PTBP1: variants seen among roughly 807,000 people sequenced by gnomAD.
The protein encoded by PTBP1 is polypyrimidine tract-binding protein 1.
PTBP1 carries 8 observed loss-of-function variants against 59.8 expected under a neutral mutation model. The ratio of observed to expected loss-of-function variants is 0.13; its 90% CI spans 0.08 to 0.24. PTBP1 has a LOEUF of 0.24. Ranked by LOEUF, PTBP1 falls within the 10% of genes least tolerant of loss-of-function variation. The pLI is 1.00. For synonymous variants in PTBP1, 490 were observed against 320.7 expected, an observed-to-expected ratio of 1.53 and a Z score of -5.64; for missense variants, 686 against 767.0, an observed-to-expected ratio of 0.89 and a Z score of 1.25.
chr19:798,807 G>T (rs2034197453), intron 1 of PTBP1, among the ~76,000 whole-genome samples: 1 of 152,282 alleles, frequency 6.6e-6, no homozygotes, highest in Non-Finnish European at 1.5e-5. Flanking sequence ...TTCCCCCCGG[G>T]GTGTCCCGAG....
Position 812,146 on chromosome 19 carries a change from A to AC in PTBP1, c.*1324dup, listed in dbSNP as rs2145051580. On this transcript the variant is annotated 3_prime_UTR_variant, in exon 15 of 15. Transcript: ENST00000356948. ...TATTGTGACCGCGGAGCCACAGGGG[A>AC]CCCCACGCACATTCCGTTGCCTTAC... 6.6e-6 allele frequency: 1 copy of AC among 152,402 alleles called. No individual in the cohort carries two copies. The highest frequency in any genetic ancestry group is 2.1e-4 in the South Asian group (1 of 4,824). The allele number at this position is 152,402 out of a possible 1,614,324, so 9.4% of individuals were successfully genotyped here. A position where few individuals can be genotyped will look rare whatever the true frequency, so the allele number is the denominator to read the frequency against.
chr19:803,781 G>A (rs2145041992), intron 3 of PTBP1, 145 bp downstream of exon 3: 1 of 851,520 alleles, frequency 1.2e-6, no homozygotes, highest in South Asian at 1.7e-5. Flanking sequence ...AGTTCTCGCT[G>A]CAGAGAATTT....
At chr19:810,194 C>T (rs1017746495) in intron 13 of PTBP1, among the ~76,000 whole-genome samples, 2 of 152,176 alleles carry the variant, frequency 1.3e-5, no homozygotes, top group Non-Finnish European at 2.9e-5. Flanking sequence ...GTAATCCCAG[C>T]TACTTGGGAG....
intron 9 of PTBP1, chr19:806,041 G>A: frequency 4.2e-6 from 1 of 240,226 alleles, no homozygotes; most frequent in Non-Finnish European, 7.9e-6. Flanking sequence ...GCCGCCCGGC[G>A]GCCGCCTCGT....
chr19:799,523 G>C, intron 2 of PTBP1, 80 bp downstream of exon 2: 2 of 1,430,394 alleles, frequency 1.4e-6, no homozygotes, highest in Non-Finnish European at 2.0e-6. Flanking sequence ...CAGCGCTGTT[G>C]CGTTGGCTAG....
chr19:806,213 G>GGGCGCTGGTGCA (rs2034564473), intron 9 of PTBP1, 195 bp from the exon 10 acceptor site: 4 of 530,092 alleles, frequency 7.5e-6, no homozygotes, highest in African/African-American at 4.1e-5. Context: ...GAGGAGAGGC[G>GGGCGCTGGTGCA]GGCGCTGGTG....
intron 13 of PTBP1, among the ~76,000 whole-genome samples, chr19:810,304 T>TG (rs1039888790): frequency 7.2e-6 from 1 of 138,762 alleles, no homozygotes; most frequent in African/African-American, 2.7e-5. Flanking sequence ...AGATTCCATC[T>TG]GGAAAAAAAA....
In PTBP1 at chr19:808,718, G is replaced by A; in HGVS notation, c.1419G>A (p.Gln473=). The A allele has an allele frequency of 6.2e-7, 1 of 1,613,218 alleles. No individual in the cohort carries two copies. Among genetic ancestry groups the A allele is most frequent in the South Asian group, 1.1e-5 (1 of 91,044 alleles). The change falls in exon 13 of 15, where the codon CAG becomes CAA. Residue 473 remains glutamine (Q), a synonymous_variant. Transcript: ENST00000356948. This position sits in a 1 kb window ranked among gnomAD's most constrained non-coding sequence, Gnocchi z 4.7. The stretch of plus-strand genomic sequence containing the variant: ...AGAAGCCGGGCTCCAAGAACTTCCA[G>A]AACATATTCCCGCCCTCGGCCACGC... ...RFKKPGSKNF[Q]NIFPPSATLH...
chr19:797,535 G>T (rs1398788343), intron 1 of PTBP1, 30 bp downstream of exon 1: 2 of 1,472,782 alleles, frequency 1.4e-6, no homozygotes, highest in African/African-American at 1.5e-5. Context: ...GCGCCCCACC[G>T]CCCTCCCCGC....
intron 2 of PTBP1, among the ~76,000 whole-genome samples, chr19:802,720 TCTC>T (rs2034389676): frequency 6.6e-6 from 1 of 152,208 alleles, no homozygotes; most frequent in African/African-American, 2.4e-5. Context: ...GTAACCAACG[TCTC>T]CTCCAATTTC....
chr19:808,277 G>T lies in PTBP1; in HGVS notation c.1154-83G>T, dbSNP rs2034670494. 4.2e-6 allele frequency: 5 copies of T among 1,185,488 alleles called. No individual in the cohort carries two copies. The highest frequency in any genetic ancestry group is 5.1e-5 in the East Asian group (2 of 39,086). The allele number at this position is 1,185,488 out of a possible 1,614,324, so 73.4% of individuals were successfully genotyped here. On this transcript the variant is annotated intron_variant, in intron 11 of 14. Transcript: ENST00000356948. The surrounding 1 kb of genome is among the most constrained non-coding windows in gnomAD (Gnocchi z 4.7). ...CCGGCCGGGCTGAGCCGGGCCTTGT[G>T]GGGGTGCGCGGGGCCGGGGCTGACG...
chr19:811,652 C>T lies in PTBP1; in HGVS notation c.*826C>T, dbSNP rs957908722. On this transcript the variant is annotated 3_prime_UTR_variant, in exon 15 of 15. Transcript: ENST00000356948. ...CTTGTAATTAAGTCACAGGCAGGACCCAGTTTCCAGAGAGCAGGCGGGGCC... is the reference window on the plus strand; with the variant it reads ...CTTGTAATTAAGTCACAGGCAGGACTCAGTTTCCAGAGAGCAGGCGGGGCC... The T allele has an allele frequency of 1.3e-5, 2 of 152,338 alleles. No homozygotes were observed. Among genetic ancestry groups the T allele is most frequent in the Non-Finnish European group, 2.9e-5 (2 of 68,042 alleles). 9.4% of individuals were successfully genotyped at this position (152,338 alleles called of 1,614,324 possible). A position where few individuals can be genotyped will look rare whatever the true frequency, so the allele number is the denominator to read the frequency against.
At chr19:806,693 C>T (rs2145058591) in intron 10 of PTBP1, 137 bp downstream of exon 10, 1 of 724,142 alleles carries the variant, frequency 1.4e-6, no homozygotes, top group Non-Finnish European at 2.1e-6. Context: ...TCTGCTGCAG[C>T]GCTGAGACCC....
In PTBP1 at chr19:811,559, C is replaced by A. The variant is rs1026670920; in HGVS notation, c.*733C>A. ...AGTAACTTTTTATAGCAAGATGATA[C>A]AATGGTATGAGTGTAATCTAAACTT... On this transcript the variant is annotated 3_prime_UTR_variant, in exon 15 of 15. Coordinates refer to ENST00000356948, the MANE Select transcript of PTBP1 (RefSeq NM_002819.5). 1.3e-5 allele frequency: 2 copies of A among 152,570 alleles called. No homozygotes were observed. Among genetic ancestry groups the A allele is most frequent in the Non-Finnish European group, 1.5e-5 (1 of 68,042 alleles). The allele number at this position is 152,570 out of a possible 1,614,324, so 9.5% of individuals were successfully genotyped here.
At chr19:799,933 G>GT (rs1320319057) in intron 2 of PTBP1, among the ~76,000 whole-genome samples, 1 of 151,648 alleles carries the variant, frequency 6.6e-6, no homozygotes, top group African/African-American at 2.4e-5. Flanking sequence ...TTTTGTTTTT[G>GT]TTTTTTATTT....
chr19:805,164 A>G lies in PTBP1; in HGVS notation c.869A>G (p.Asp290Gly). 6.2e-7 allele frequency: 1 copy of G among 1,613,572 alleles called. No individual in the cohort carries two copies. The highest frequency in any genetic ancestry group is 8.5e-7 in the Non-Finnish European group (1 of 1,179,856). ...TCCGGGGACAGCCAGCCCTCGCTGG[A>G]CCAGACCATGGCCGCGGCCTTCGGT... Reference protein sequence around the residue: ...LPSGDSQPSLDQTMAAAFGAP... With the variant: ...LPSGDSQPSLGQTMAAAFGAP... Residue 290 changes from aspartate to glycine, a missense_variant, in exon 8 of 15, where the codon GAC becomes GGC. Asp to Gly is a moderately conservative substitution (Grantham distance 94). Transcript: ENST00000356948.
In PTBP1 at chr19:812,289, T is replaced by C. The variant is rs1314653501; in HGVS notation, c.*1463T>C. The C allele has an allele frequency of 6.4e-6, 1 of 156,578 alleles. No individual in the cohort carries two copies. Among genetic ancestry groups the C allele is most frequent in the Admixed American group, 6.5e-5 (1 of 15,288 alleles). 9.7% of individuals were successfully genotyped at this position (156,578 alleles called of 1,614,324 possible). Reference sequence around the variant, plus strand: ...CAGGTTGGCCAGTCTGTACCTGGACTTCGAATAAATCTTCTGTATCCTCGC... The same window carrying C: ...CAGGTTGGCCAGTCTGTACCTGGACCTCGAATAAATCTTCTGTATCCTCGC... On this transcript the variant is annotated 3_prime_UTR_variant, in exon 15 of 15. Transcript: ENST00000356948.
At chr19:797,570 C>G in intron 1 of PTBP1, 65 bp downstream of exon 1, 1 of 1,226,114 alleles carries the variant, frequency 8.2e-7, no homozygotes, top group East Asian at 3.3e-5. Flanking sequence ...CCCGCCGCCG[C>G]GCCGGCCTCC....
rs535139389 is a variant in PTBP1 at position 806,431 on chromosome 19, G to A, written c.994G>A (p.Gly332Ser). The A allele has an allele frequency of 1.6e-5, 26 of 1,602,172 alleles. No homozygotes were observed. Among genetic ancestry groups the A allele is most frequent in the African/African-American group, 2.7e-5 (2 of 73,460 alleles). ...AGGCCTTTCCGTTCCGAACGTCCAC[G>A]GCGCCCTGGCCCCCCTGGCCATCCC... ...AAGLSVPNVH[G>S]ALAPLAIPSA... The change falls in exon 10 of 15, where the codon GGC becomes AGC. Residue 332 changes from glycine (G) to serine (S), a missense_variant. Physicochemically the swap from Gly to Ser is moderately conservative, Grantham distance 56 (BLOSUM62 0). Transcript: ENST00000356948.
Sources: allele counts gnomAD v4.1 joint callset (sites outside exome capture counted in the v4.1 genomes callset), GRCh38; gene constraint gnomAD v4.1.1; non-coding constraint Gnocchi (gnomAD v3.1); transcripts MANE v1.5; gene names NCBI Gene and HGNC (gene_info 2026-07-23, HGNC 2026-07-21).